Variants in PALLD observed in about 807,000 individuals in gnomAD.
PALLD encodes palladin, cytoskeletal associated protein.
Under a neutral mutation model 123.5 loss-of-function variants are expected in PALLD, and 61 were observed. The observed-to-expected ratio is 0.49, with a 90% CI of 0.40 to 0.61. PALLD has a LOEUF of 0.61. Among genes scored for constraint, PALLD ranks in the 20% least tolerant of loss-of-function variants. The pLI is 0.00. For synonymous variants in PALLD, 465 were observed against 496.4 expected (o/e 0.94, Z 0.84); for missense variants, 1,273 against 1,377.0 (o/e 0.92, Z 1.20).
At chr4:168,590,277 G>T (rs960911104) in intron 2 of PALLD, among the ~76,000 whole-genome samples, 2 of 152,230 alleles carry the variant, frequency 1.3e-5, no homozygotes, top group Non-Finnish European at 2.9e-5. Context: ...AGGAAATGGA[G>T]GTTGCAGTTA....
chr4:168,756,919 G>A (rs1013119979), intron 10 of PALLD, among the ~76,000 whole-genome samples: 1 of 152,208 alleles, frequency 6.6e-6, no homozygotes, highest in Non-Finnish European at 1.5e-5. Flanking sequence ...AAGGTGAAAA[G>A]GGGTACCCAG....
chr4:168,878,124 A>T (rs1416408081), intron 10 of PALLD: 1 of 1,476,144 alleles, frequency 6.8e-7, no homozygotes, highest in Non-Finnish European at 8.9e-7. Flanking sequence ...GCTGAGCCCG[A>T]GGCCCCGTGG....
At chr4:168,563,497 C>T (rs909110823) in intron 2 of PALLD, among the ~76,000 whole-genome samples, 4 of 152,114 alleles carry the variant, frequency 2.6e-5, no homozygotes, top group African/African-American at 9.7e-5. Flanking sequence ...CATCAAGAAA[C>T]CCCAAAAATA....
At chr4:168,916,957 C>T (rs576785865) in intron 17 of PALLD, among the ~76,000 whole-genome samples, 2 of 150,668 alleles carry the variant, frequency 1.3e-5, no homozygotes, top group South Asian at 4.2e-4. Flanking sequence ...GTGTGAGCCA[C>T]AGTGCCCCGC....
intron 10 of PALLD, among the ~76,000 whole-genome samples, chr4:168,833,446 T>C (rs1012328861): frequency 6.6e-6 from 1 of 152,104 alleles, no homozygotes; most frequent in African/African-American, 2.4e-5. Context: ...TACATTTTAA[T>C]GCGTAATCAC....
At chr4:168,825,932 C>A (rs1350753933) in intron 10 of PALLD, among the ~76,000 whole-genome samples, 2 of 152,272 alleles carry the variant, frequency 1.3e-5, no homozygotes, top group Non-Finnish European at 2.9e-5. Context: ...CTGGGATTAA[C>A]GTAAAATCTG....
Position 168,700,030 on chromosome 4 carries a change from G to A in PALLD, c.1501+8738G>A, listed in dbSNP as rs550162350. 108 of 309,862 alleles carry A rather than the reference G, an allele frequency of 3.5e-4. 2 individuals carry two copies. Among genetic ancestry groups the A allele is most frequent in the South Asian group, 3.0e-3 (96 of 31,886 alleles). 19.2% of individuals were successfully genotyped at this position (309,862 alleles called of 1,614,324 possible). On this transcript the variant is annotated intron_variant, in intron 8 of 21. Transcript: ENST00000505667. Reference sequence around the variant, plus strand: ...AATTTATTTTACAGATGTCTTATACGTCTTTGTTCGAGTGAGATGCCACCA... The same window carrying A: ...AATTTATTTTACAGATGTCTTATACATCTTTGTTCGAGTGAGATGCCACCA...
At chr4:168,851,376 T>G (rs945885251) in intron 10 of PALLD, among the ~76,000 whole-genome samples, 1 of 152,160 alleles carries the variant, frequency 6.6e-6, no homozygotes, top group African/African-American at 2.4e-5. Flanking sequence ...TTTTGTTTTG[T>G]TTTGTTTTTG....
At chr4:168,800,681 C>T (rs2150676835) in intron 10 of PALLD, among the ~76,000 whole-genome samples, 1 of 152,266 alleles carries the variant, frequency 6.6e-6, no homozygotes, top group African/African-American at 2.4e-5. Flanking sequence ...TTAAAAACCA[C>T]GTTGGAAAAG....
intron 12 of PALLD, among the ~76,000 whole-genome samples, chr4:168,895,274 C>T (rs755584142): frequency 6.6e-5 from 10 of 152,080 alleles, no homozygotes; most frequent in East Asian, 3.9e-4. Context: ...CCCAGCTACT[C>T]GGGAAGCTGA....
intron 10 of PALLD, among the ~76,000 whole-genome samples, chr4:168,875,450 A>T (rs945865967): frequency 2.0e-5 from 3 of 152,192 alleles, no homozygotes; most frequent in Non-Finnish European, 4.4e-5. Context: ...AAAGATTATC[A>T]TTTGCACAGA....
chr4:168,841,623 C>T (rs374791489), intron 10 of PALLD, among the ~76,000 whole-genome samples: 6 of 152,154 alleles, frequency 3.9e-5, no homozygotes, highest in African/African-American at 9.7e-5. Flanking sequence ...ACCACCTGAC[C>T]GCTCTCTGTC....
intron 10 of PALLD, among the ~76,000 whole-genome samples, chr4:168,716,814 C>T (rs1003007986): frequency 3.3e-5 from 5 of 152,138 alleles, no homozygotes; most frequent in Non-Finnish European, 5.9e-5. Context: ...GAAATAGCAG[C>T]CTTTATCATT....
At chr4:168,625,515 A>ATATATATATATATATATATATC in intron 2 of PALLD, among the ~76,000 whole-genome samples, 1 of 144,642 alleles carries the variant, frequency 6.9e-6, no homozygotes, top group Admixed American at 7.1e-5. Context: ...ATATATATAT[A>ATATATATATATATATATATATC]TATCCTATAA....
intron 1 of PALLD, chr4:168,507,633 G>T (rs1237806519): frequency 3.5e-5 from 7 of 199,718 alleles, no homozygotes; most frequent in Admixed American, 2.4e-4. Flanking sequence ...CCTACTGTCA[G>T]TCTTGTCTTC....
intron 2 of PALLD, among the ~76,000 whole-genome samples, chr4:168,547,155 GAGAA>G (rs1436191783): frequency 6.6e-6 from 1 of 152,120 alleles, no homozygotes; most frequent in Non-Finnish European, 1.5e-5. Flanking sequence ...CGTGGACAAA[GAGAA>G]AGAATACAAA....
intron 2 of PALLD, among the ~76,000 whole-genome samples, chr4:168,521,870 C>T (rs1455239749): frequency 5.3e-5 from 8 of 152,120 alleles, no homozygotes. Flanking sequence ...GTATAACATA[C>T]TATTTTTTTT....
At chr4:168,619,940 C>T (rs1022164371) in intron 2 of PALLD, among the ~76,000 whole-genome samples, 7 of 152,174 alleles carry the variant, frequency 4.6e-5, no homozygotes, top group African/African-American at 1.7e-4. Context: ...ACTTTAAGCT[C>T]TTCCAATAGT....
At chr4:168,920,919 T>G (rs562760130) in intron 17 of PALLD, among the ~76,000 whole-genome samples, 1 of 152,308 alleles carries the variant, frequency 6.6e-6, no homozygotes, top group Admixed American at 6.5e-5. Flanking sequence ...GCCCAGAGCC[T>G]GGTGCTGATA....
Sources: gnomAD v4.1 joint callset for allele counts (sites outside exome capture counted in the v4.1 genomes callset) on GRCh38, gnomAD v4.1.1 for gene constraint, MANE v1.5 for transcripts, NCBI Gene and HGNC (gene_info 2026-07-23, HGNC 2026-07-21) for gene names.